MYO18B: variants seen among roughly 807,000 people sequenced by gnomAD.
MYO18B encodes the protein myosin XVIIIB.
A neutral mutation model predicts 273.0 loss-of-function variants in MYO18B; 204 were observed. The observed-to-expected ratio is 0.75, with a 90% CI of 0.67 to 0.84. The LOEUF (loss-of-function observed/expected upper bound fraction) is 0.84, where lower values mean the gene tolerates loss of function less well. Ranked by LOEUF, MYO18B falls within the 40% of genes least tolerant of loss-of-function variation. The pLI is 0.00. For synonymous variants in MYO18B, 1,330 were observed against 1,305.7 expected, an observed-to-expected ratio of 1.02 and a Z score of -0.40; for missense variants, 3,212 against 3,287.6, an observed-to-expected ratio of 0.98 and a Z score of 0.56.
At chr22:26,014,385 T>C (rs1183749556) in intron 42 of MYO18B, among the ~76,000 whole-genome samples, 1 of 152,254 alleles carries the variant, frequency 6.6e-6, no homozygotes, top group African/African-American at 2.4e-5. Context: ...CAATATAGCA[T>C]TGGAAGTATA....
chr22:25,948,459 C>CTTCCTTCCTTCT (rs1442898869), intron 36 of MYO18B, among the ~76,000 whole-genome samples: 76 of 67,678 alleles, frequency 1.1e-3, no homozygotes, highest in African/African-American at 3.6e-3. Context: ...TCCTTCCTTC[C>CTTCCTTCCTTCT]TTCTTTCTTT....
At chr22:26,022,270 G>GAAA (rs11448415) in intron 42 of MYO18B, among the ~76,000 whole-genome samples, 18 of 138,218 alleles carry the variant, frequency 1.3e-4, no homozygotes, top group Admixed American at 3.6e-4. Flanking sequence ...AGGACAGCTA[G>GAAA]AAAAAAAAAA....
intron 23 of MYO18B, 73 bp downstream of exon 23, chr22:25,874,487 A>G: frequency 6.5e-7 from 1 of 1,539,164 alleles, no homozygotes; most frequent in South Asian, 1.2e-5. Flanking sequence ...CCTGTCTTTC[A>G]GGATGATACC....
chr22:25,925,794 A>G (rs2146469610), intron 34 of MYO18B, among the ~76,000 whole-genome samples: 1 of 150,736 alleles, frequency 6.6e-6, no homozygotes, highest in African/African-American at 2.4e-5. Flanking sequence ...AATCCCAGCT[A>G]CTCAGGAGGC....
intron 10 of MYO18B, among the ~76,000 whole-genome samples, chr22:25,782,397 T>G (rs1170849406): frequency 6.6e-6 from 1 of 152,156 alleles, no homozygotes; most frequent in African/African-American, 2.4e-5. Context: ...TACATGAGGT[T>G]CCTCAGGATG....
At chr22:26,026,010 T>C (rs1449464937) in intron 42 of MYO18B, among the ~76,000 whole-genome samples, 2 of 152,220 alleles carry the variant, frequency 1.3e-5, no homozygotes, top group Non-Finnish European at 2.9e-5. Context: ...GGGTCTTGAC[T>C]CTCAGAAGCC....
chr22:25,923,877 T>C (rs1429397941), intron 34 of MYO18B, among the ~76,000 whole-genome samples: 2 of 152,224 alleles, frequency 1.3e-5, no homozygotes, highest in Non-Finnish European at 2.9e-5. Flanking sequence ...TTTTTCTTTT[T>C]TTTTTATTAA....
intron 34 of MYO18B, among the ~76,000 whole-genome samples, chr22:25,927,669 C>T (rs1463477861): frequency 6.6e-6 from 1 of 152,108 alleles, no homozygotes; most frequent in Non-Finnish European, 1.5e-5. Flanking sequence ...TTCGCGTACT[C>T]CCTCCCCTTT....
Position 25,883,062 on chromosome 22 carries a change from G to GT in MYO18B, c.4314+5022dup, listed in dbSNP as rs907074807. On this transcript the variant is annotated intron_variant, in intron 25 of 43. Coordinates refer to ENST00000335473, the MANE Select transcript of MYO18B (RefSeq NM_032608.7). This position sits in a 1 kb window ranked among gnomAD's most constrained non-coding sequence, Gnocchi z 7.6. ...CAGGCGTGCATCACCATGCCTGGCT[G>GT]TTTTTTTTCAATTTTGGTAGAGATG... 2.4e-4 allele frequency among the ~76,000 whole-genome samples: 37 copies of GT among 151,624 alleles called. No homozygotes were observed. Among genetic ancestry groups the GT allele is most frequent in the East Asian group, 1.9e-3 (10 of 5,160 alleles).
chr22:25,938,870 T>G (rs1389408404), intron 34 of MYO18B, among the ~76,000 whole-genome samples: 2 of 152,192 alleles, frequency 1.3e-5, no homozygotes, highest in Non-Finnish European at 2.9e-5. Context: ...CAAGCTGGAG[T>G]GCAGTGGTGT....
At chr22:25,909,867 A>G (rs1471589536) in intron 32 of MYO18B, among the ~76,000 whole-genome samples, 2 of 152,222 alleles carry the variant, frequency 1.3e-5, no homozygotes, top group Non-Finnish European at 2.9e-5. Context: ...AGCTGGGGTC[A>G]GGAGAGAGGA....
intron 22 of MYO18B, among the ~76,000 whole-genome samples, chr22:25,871,972 T>A (rs2091059082): frequency 2.6e-5 from 3 of 117,602 alleles, no homozygotes. Context: ...ATAACTTTGA[T>A]CATTGATTTT....
chr22:26,028,015 G>A (rs1327596079), intron 43 of MYO18B, among the ~76,000 whole-genome samples: 7 of 152,098 alleles, frequency 4.6e-5, no homozygotes, highest in African/African-American at 1.4e-4. Flanking sequence ...AGGCCAAGGC[G>A]GGTGGATCAC....
chr22:26,017,566 A>G (rs1935460146), intron 42 of MYO18B, among the ~76,000 whole-genome samples: 1 of 152,224 alleles, frequency 6.6e-6, no homozygotes, highest in Non-Finnish European at 1.5e-5. Context: ...CTCAACTTTT[A>G]TGTTACCCAA....
chr22:25,869,502 G>A (rs907113320), intron 22 of MYO18B, among the ~76,000 whole-genome samples: 12 of 148,912 alleles, frequency 8.1e-5, no homozygotes, highest in Non-Finnish European at 1.3e-4. Context: ...AGGAGGGAGG[G>A]AGGGAAGGAA....
chr22:25,947,726 G>C lies in MYO18B; in HGVS notation c.5646G>C (p.Leu1882=), dbSNP rs370614619. The stretch of plus-strand genomic sequence containing the variant: ...GCCTCCCCCAGGTGGATGAGCAGCT[G>C]TACAGGCTGCAGTTTGAGAAGGCGG... ...TRNKSLVDEQ[L]YRLQFEKADL... The change falls in exon 36 of 44, where the codon CTG becomes CTC. Residue 1882 remains leucine, a synonymous_variant. Transcript: ENST00000335473. 4.3e-6 allele frequency: 7 copies of C among 1,613,244 alleles called. No individual in the cohort carries two copies. In the African/African-American group the frequency reaches 9.3e-5, roughly 22 times the overall value.
chr22:25,871,077 G>A (rs1364296520), intron 22 of MYO18B, among the ~76,000 whole-genome samples: 1 of 152,148 alleles, frequency 6.6e-6, no homozygotes, highest in Admixed American at 6.6e-5. Flanking sequence ...CCAGGCTGGG[G>A]GATACTGAGA....
intron 39 of MYO18B, among the ~76,000 whole-genome samples, chr22:25,965,317 G>T (rs1382702861): frequency 6.6e-6 from 1 of 152,186 alleles, no homozygotes; most frequent in Non-Finnish European, 1.5e-5. Context: ...ATTTGTGAAG[G>T]CCTTGTTCCC....
intron 1 of MYO18B, among the ~76,000 whole-genome samples, chr22:25,757,233 G>T (rs959766997): frequency 6.6e-6 from 1 of 152,164 alleles, no homozygotes; most frequent in African/African-American, 2.4e-5. Flanking sequence ...AAAATTCATA[G>T]CAGTTTTATT....
Sources: allele counts gnomAD v4.1 joint callset (sites outside exome capture counted in the v4.1 genomes callset), GRCh38; gene constraint gnomAD v4.1.1; non-coding constraint Gnocchi (gnomAD v3.1); transcripts MANE v1.5; gene names NCBI Gene and HGNC (gene_info 2026-07-23, HGNC 2026-07-21).